CRACD: variants seen among roughly 807,000 people sequenced by gnomAD.
CRACD encodes capping protein inhibiting regulator of actin dynamics.
A neutral mutation model predicts 106.8 loss-of-function variants in CRACD; 56 were observed. The ratio of observed to expected loss-of-function variants is 0.52; its 90% CI spans 0.42 to 0.66. CRACD has a LOEUF of 0.66. CRACD is among the 30% of genes least tolerant of loss of function. The pLI is 0.00. For missense variants in CRACD, 1,730 were observed against 1,623.2 expected, an observed-to-expected ratio of 1.07 and a Z score of -1.13; for synonymous variants, 754 against 670.8, an observed-to-expected ratio of 1.12 and a Z score of -1.92.
chr4:56,095,575 A>C (rs1733573674), intron 1 of CRACD, among the ~76,000 whole-genome samples: 1 of 152,162 alleles, frequency 6.6e-6, no homozygotes, highest in African/African-American at 2.4e-5. Context: ...GAAATGCTCC[A>C]AGGTGGGCTG....
chr4:56,264,300 T>A (rs62310602), intron 2 of CRACD, among the ~76,000 whole-genome samples: 39,835 of 151,818 alleles, frequency 0.26, 5,391 homozygotes, highest in African/African-American at 0.28. Context: ...CTCCCCTACT[T>A]CAAAACCCCA....
At position 56,295,221 on chromosome 4, in the gene CRACD, A is replaced by G. The variant is rs192386901; in HGVS notation, c.-16-2993A>G. On this transcript the variant is annotated intron_variant, in intron 3 of 10. Transcript: ENST00000682029. ...TCTTCAAACCTTAGTTTCCTTGTCC[A>G]TAAAACAGCCTTACTAACAGTGCCT... Among the ~76,000 whole-genome samples, 12 of 152,262 alleles carry G rather than the reference A, an allele frequency of 7.9e-5. No homozygotes were observed. In the East Asian group the frequency reaches 1.5e-3, roughly 20 times the overall value.
chr4:56,188,579 T>C (rs1737186005), intron 2 of CRACD, among the ~76,000 whole-genome samples: 1 of 151,522 alleles, frequency 6.6e-6, no homozygotes, highest in African/African-American at 2.4e-5. Flanking sequence ...TGTTTTATTT[T>C]TTCCCTCCAG....
chr4:56,255,459 C>CATGGTT (rs145151790), intron 2 of CRACD, among the ~76,000 whole-genome samples: 3,601 of 151,478 alleles, frequency 0.024, 64 homozygotes, highest in South Asian at 0.099. Context: ...TCAAAGAGTA[C>CATGGTT]CAAATGGAGA....
chr4:56,075,299 G>A (rs1379095286), intron 1 of CRACD, among the ~76,000 whole-genome samples: 1 of 152,168 alleles, frequency 6.6e-6, no homozygotes, highest in African/African-American at 2.4e-5. Context: ...GAATTTGGCC[G>A]TGAATCCGTC....
At position 56,310,748 on chromosome 4, in the gene CRACD, A is replaced by T; in HGVS notation, c.354+14A>T. 1 of 1,580,274 alleles carries T rather than the reference A, an allele frequency of 6.3e-7. No homozygotes were observed. Among genetic ancestry groups the T allele is most frequent in the South Asian group, 1.1e-5 (1 of 90,102 alleles). ...ATGGAAGAGAAGGTAATATGATTTGAACTTATTTATTTGGCTTCTTTCCTT... is the reference window on the plus strand; with the variant it reads ...ATGGAAGAGAAGGTAATATGATTTGTACTTATTTATTTGGCTTCTTTCCTT... On this transcript the variant is annotated intron_variant, in intron 6 of 10. Transcript: ENST00000682029.
At chr4:56,253,883 A>G (rs12506712) in intron 2 of CRACD, among the ~76,000 whole-genome samples, 13,895 of 152,162 alleles carry the variant, frequency 0.091, 1,854 homozygotes, top group East Asian at 0.61. Context: ...CCATAAAAGG[A>G]CAGAGGACAG....
chr4:56,219,809 C>T (rs925887994), intron 2 of CRACD, among the ~76,000 whole-genome samples: 2 of 152,158 alleles, frequency 1.3e-5, no homozygotes, highest in African/African-American at 2.4e-5. Flanking sequence ...CCCATGATTT[C>T]AGGGACAGTT....
intron 1 of CRACD, among the ~76,000 whole-genome samples, chr4:56,081,151 C>T (rs1733007997): frequency 6.6e-6 from 1 of 152,182 alleles, no homozygotes; most frequent in Admixed American, 6.5e-5. Flanking sequence ...AGCCCCTGAT[C>T]CTGGCCCTGT....
intron 2 of CRACD, among the ~76,000 whole-genome samples, chr4:56,182,433 C>CA (rs775391262): frequency 0.079 from 11,061 of 139,982 alleles, 530 homozygotes; most frequent in African/African-American, 0.15. Context: ...AACAAAGAAA[C>CA]AAAAAAAAAA....
At chr4:56,188,951 C>T (rs1361952942) in intron 2 of CRACD, among the ~76,000 whole-genome samples, 1 of 152,068 alleles carries the variant, frequency 6.6e-6, no homozygotes, top group Non-Finnish European at 1.5e-5. Context: ...GCGGGTGGAT[C>T]ACTTAAGAAT....
chr4:56,214,880 T>C (rs1414241613), intron 2 of CRACD, among the ~76,000 whole-genome samples: 2 of 149,556 alleles, frequency 1.3e-5, no homozygotes, highest in African/African-American at 4.9e-5. Context: ...GGTGTGGTGG[T>C]GTGCGCCTAT....
At position 56,315,122 on chromosome 4, in the gene CRACD, G is replaced by C. The variant is rs750633492; in HGVS notation, c.1620G>C (p.Gln540His). Residue 540 changes from glutamine (Q) to histidine (H), a missense_variant, in exon 8 of 11, where the codon CAG (glutamine) becomes CAC (histidine). Transcript: ENST00000682029. The surrounding 1 kb of genome is among the most constrained non-coding windows in gnomAD (Gnocchi z 4.1). ...CCATGCCCCGGCCCTACACGTTCCA[G>C]GTGTCCTCCGGAGGGAAGCAGATTC... The part of the protein sequence containing the change: ...RQTMPRPYTF[Q>H]VSSGGKQILF... 289 of 1,610,316 alleles carry C rather than the reference G, an allele frequency of 1.8e-4. 1 individual carries two copies. The highest frequency in any genetic ancestry group is 8.5e-4 in the East Asian group (38 of 44,714).
chr4:56,144,347 G>T (rs1310890623), intron 1 of CRACD, among the ~76,000 whole-genome samples: 2 of 152,148 alleles, frequency 1.3e-5, no homozygotes, highest in Non-Finnish European at 2.9e-5. Context: ...GATATGATCA[G>T]ATTTCTCTGT....
chr4:56,324,255 C>T lies in CRACD; in HGVS notation c.3530C>T (p.Thr1177Met), dbSNP rs780996577. Residue 1177 changes from threonine (T) to methionine (M), a missense_variant, in exon 10 of 11, where the codon ACG (threonine) becomes ATG (methionine). Physicochemically the swap from Thr to Met is moderately conservative, Grantham distance 81. Coordinates refer to ENST00000682029, the MANE Select transcript of CRACD (RefSeq NM_001393381.1). ...CTGAAAAAGGCCAATACTCTTCCTA[C>T]GTCTGTGACAGGTAGAGAGCAGGTC... Reference protein sequence around the residue: ...EQLKKANTLPTSVTVEISDSA... With the variant: ...EQLKKANTLPMSVTVEISDSA... 13 of 1,612,862 alleles carry T rather than the reference C, an allele frequency of 8.1e-6. No homozygotes were observed. The South Asian group carries it at 8.8e-5, about 11-fold the overall frequency.
At chr4:56,267,007 G>A (rs1023034672) in intron 2 of CRACD, among the ~76,000 whole-genome samples, 43 of 152,138 alleles carry the variant, frequency 2.8e-4, no homozygotes, top group East Asian at 3.9e-4. Context: ...CTTCCTGAAT[G>A]TAGGATGGGC....
intron 3 of CRACD, among the ~76,000 whole-genome samples, chr4:56,294,440 T>C (rs1220124941): frequency 6.6e-6 from 1 of 152,158 alleles, no homozygotes; most frequent in East Asian, 1.9e-4. Flanking sequence ...AAGACCTCTA[T>C]ACAGAAAACT....
intron 2 of CRACD, among the ~76,000 whole-genome samples, chr4:56,203,594 G>T (rs1384339728): frequency 5.9e-5 from 9 of 152,154 alleles, no homozygotes; most frequent in Non-Finnish European, 1.5e-5. Context: ...ACAGCATTGA[G>T]TAGTTTCTAA....
chr4:56,318,109 C>G (rs1680948641), intron 8 of CRACD, among the ~76,000 whole-genome samples: 1 of 152,056 alleles, frequency 6.6e-6, no homozygotes, highest in Non-Finnish European at 1.5e-5. Flanking sequence ...GAGTGTTGGT[C>G]TGGTTACTTG....
Sources: gnomAD v4.1 joint callset for allele counts (sites outside exome capture counted in the v4.1 genomes callset) on GRCh38, gnomAD v4.1.1 for gene constraint, Gnocchi (gnomAD v3.1) non-coding constraint, MANE v1.5 for transcripts, NCBI Gene and HGNC (gene_info 2026-07-23, HGNC 2026-07-21) for gene names.